Variants in TXK observed in about 807,000 individuals in gnomAD.
TXK encodes tyrosine-protein kinase TXK.
Under a neutral mutation model 81.0 loss-of-function variants are expected in TXK, and 60 were observed. The observed-to-expected ratio is 0.74, with a 90% CI of 0.60 to 0.92. The LOEUF (loss-of-function observed/expected upper bound fraction) is 0.92. TXK is among the 40% of genes least tolerant of loss of function. The pLI is 0.00. For synonymous variants in TXK, 203 were observed against 210.7 expected (o/e 0.96, Z 0.32); for missense variants, 581 against 638.3 (o/e 0.91, Z 0.97).
In TXK at chr4:48,094,012, C is replaced by A; in HGVS notation, c.709+65G>T. 3.7e-6 allele frequency: 6 copies of A among 1,603,422 alleles called. No homozygotes were observed. The South Asian group carries it at 6.6e-5, about 18-fold the overall frequency. On this transcript the variant is annotated intron_variant, in intron 8 of 14. Coordinates refer to ENST00000264316, the MANE Select transcript of TXK (RefSeq NM_003328.3). ...TTTGCTCCTGTTGAGTGCCTGATAC[C>A]AAAGATGCATTGCCCATCAAGGGCA...
chr4:48,101,297 T>C (rs1283292576), intron 6 of TXK, among the ~76,000 whole-genome samples: 1 of 152,212 alleles, frequency 6.6e-6, no homozygotes, highest in Non-Finnish European at 1.5e-5. Flanking sequence ...GTCATGTATC[T>C]ACCTGTTTGC....
In TXK at chr4:48,071,554, A is replaced by G; in HGVS notation, c.1478T>C (p.Met493Thr). Residue 493 changes from methionine (M) to threonine (T), a missense_variant, in exon 14 of 15, where the codon ATG (methionine) becomes ACG (threonine). Physicochemically the swap from Met to Thr is moderately conservative, Grantham distance 81. Coordinates refer to ENST00000264316, the MANE Select transcript of TXK (RefSeq NM_003328.3). Reference protein sequence around the residue: ...FRLYRPHLAPMSIYEVMYSCW... With the variant: ...FRLYRPHLAPTSIYEVMYSCW... ...GCTGTACATGACTTCATATATGGAC[A>G]TTGGTGCCAGGTGAGGGCGATATAG... 1.9e-6 allele frequency: 3 copies of G among 1,614,154 alleles called. No homozygotes were observed. Among genetic ancestry groups the G allele is most frequent in the Non-Finnish European group, 2.5e-6 (3 of 1,180,012 alleles).
chr4:48,095,326 T>C (rs1369800259), intron 6 of TXK, 104 bp from the exon 7 acceptor site: 3 of 735,072 alleles, frequency 4.1e-6, no homozygotes, highest in Admixed American at 2.7e-5. Context: ...CATAAATAAG[T>C]GACCTGCTAT....
rs1374552214 is a variant in TXK at position 48,104,577 on chromosome 4, A to AT, written c.501+323dup. ...AATATATAATATATATATATAATAT[A>AT]TATATTATATATATATATAGAGAGA... is the stretch of plus-strand genomic sequence containing the variant. On this transcript the variant is annotated intron_variant, in intron 6 of 14. Coordinates refer to ENST00000264316, the MANE Select transcript of TXK (RefSeq NM_003328.3). Among the ~76,000 whole-genome samples, 2 of 77,086 alleles carry AT rather than the reference A, an allele frequency of 2.6e-5. 1 individual carries two copies. The highest frequency in any genetic ancestry group is 4.7e-5 in the Non-Finnish European group (2 of 42,648). 50.6% of individuals were successfully genotyped at this position (77,086 alleles called of 152,430 possible). A position where few individuals can be genotyped will look rare whatever the true frequency, so the allele number is the denominator to read the frequency against.
Position 48,131,076 on chromosome 4 carries a change from A to T in TXK, c.16+3079T>A, listed in dbSNP as rs532100333. The stretch of plus-strand genomic sequence containing the variant: ...CCTTTAAATAACTCTTCTAGGCTGG[A>T]TCTGTTCTCAGGGCAACTGTGAGTT... On this transcript the variant is annotated intron_variant, in intron 1 of 14. Coordinates refer to ENST00000264316, the MANE Select transcript of TXK (RefSeq NM_003328.3). 2.2e-4 allele frequency among the ~76,000 whole-genome samples: 34 copies of T among 152,250 alleles called. No homozygotes were observed. In the South Asian group the frequency reaches 6.4e-3, roughly 29 times the overall value.
In TXK at chr4:48,076,440, T is replaced by C; in HGVS notation, c.1200A>G (p.Ser400=). The change falls in exon 12 of 15, where the codon TCA becomes TCG. Residue 400 remains serine, a synonymous_variant. Coordinates refer to ENST00000264316, the MANE Select transcript of TXK (RefSeq NM_003328.3). ...AGTCTGAAATTTTTACTATGCATGT[T>C]GAACTGACCAAACAATTCCTTGCCG... The part of the protein sequence containing the change: ...DLAARNCLVS[S]TCIVKISDFG... 1 of 1,613,354 alleles carries C rather than the reference T, an allele frequency of 6.2e-7. No homozygotes were observed.
At chr4:48,130,852 T>G (rs900796588) in intron 1 of TXK, among the ~76,000 whole-genome samples, 2 of 152,148 alleles carry the variant, frequency 1.3e-5, no homozygotes, top group Non-Finnish European at 2.9e-5. Context: ...ATCCTTACTT[T>G]ACCCTCAGAT....
At chr4:48,123,854 T>C (rs557933694) in intron 1 of TXK, among the ~76,000 whole-genome samples, 1 of 152,304 alleles carries the variant, frequency 6.6e-6, no homozygotes, top group South Asian at 2.1e-4. Flanking sequence ...CTTCCATAAG[T>C]GACCCCACCC....
intron 11 of TXK, among the ~76,000 whole-genome samples, chr4:48,077,797 T>C (rs911633296): frequency 2.0e-5 from 3 of 152,178 alleles, no homozygotes; most frequent in Non-Finnish European, 4.4e-5. Context: ...CTAGACACTG[T>C]TTATTAATTC....
intron 10 of TXK, among the ~76,000 whole-genome samples, chr4:48,084,672 A>G (rs1283619611): frequency 6.6e-6 from 1 of 152,248 alleles, no homozygotes; most frequent in Non-Finnish European, 1.5e-5. Flanking sequence ...ACCCAAAAAC[A>G]TCATTGGGAA....
chr4:48,088,648 A>T (rs956122635), intron 9 of TXK, among the ~76,000 whole-genome samples: 1 of 152,248 alleles, frequency 6.6e-6, no homozygotes, highest in African/African-American at 2.4e-5. Flanking sequence ...TGAGTTGTAC[A>T]CTATTCTATT....
intron 1 of TXK, among the ~76,000 whole-genome samples, chr4:48,122,029 C>T (rs1281354711): frequency 6.6e-6 from 1 of 152,128 alleles, no homozygotes; most frequent in Non-Finnish European, 1.5e-5. Context: ...GATAAGCCAC[C>T]ATCACCTCAC....
intron 5 of TXK, among the ~76,000 whole-genome samples, chr4:48,105,195 T>A (rs1476444973): frequency 6.6e-6 from 1 of 152,194 alleles, no homozygotes; most frequent in East Asian, 1.9e-4. Flanking sequence ...CAATATACAC[T>A]TAGTATATCA....
chr4:48,132,661 C>T (rs1719275083), intron 1 of TXK, among the ~76,000 whole-genome samples: 1 of 152,116 alleles, frequency 6.6e-6, no homozygotes, highest in African/African-American at 2.4e-5. Flanking sequence ...TGGCAAGTCT[C>T]ATGCTTGGCC....
At chr4:48,080,193 A>T (rs1192768803) in intron 10 of TXK, 65 bp from the exon 11 acceptor site, 10 of 1,156,406 alleles carry the variant, frequency 8.6e-6, no homozygotes, top group Non-Finnish European at 1.3e-5. Context: ...TTTGAACATA[A>T]CTGGTAGTAT....
intron 1 of TXK, among the ~76,000 whole-genome samples, chr4:48,127,150 C>G (rs781094732): frequency 6.6e-6 from 1 of 152,196 alleles, no homozygotes; most frequent in East Asian, 1.9e-4. Context: ...TGGTTCCATC[C>G]TCTGCCCAGC....
At chr4:48,118,793 C>T (rs2109479302) in intron 1 of TXK, among the ~76,000 whole-genome samples, 1 of 152,300 alleles carries the variant, frequency 6.6e-6, no homozygotes, top group East Asian at 1.9e-4. Flanking sequence ...CAGAGGGTAT[C>T]TCTGGACCTC....
chr4:48,131,988 G>A (rs375509043), intron 1 of TXK, among the ~76,000 whole-genome samples: 2 of 150,866 alleles, frequency 1.3e-5, no homozygotes, highest in Admixed American at 6.6e-5. Context: ...TCTTATCTGC[G>A]TGAATGGAAG....
chr4:48,123,222 G>T (rs554305311), intron 1 of TXK, among the ~76,000 whole-genome samples: 3 of 152,132 alleles, frequency 2.0e-5, no homozygotes, highest in African/African-American at 7.2e-5. Context: ...AAATCAAATA[G>T]GTCTGTGATT....
Sources: allele counts gnomAD v4.1 joint callset (sites outside exome capture counted in the v4.1 genomes callset), GRCh38; gene constraint gnomAD v4.1.1; transcripts MANE v1.5; gene names NCBI Gene and HGNC (gene_info 2026-07-23, HGNC 2026-07-21).